ERLEC1: variants seen among roughly 807,000 people sequenced by gnomAD.
ERLEC1 encodes endoplasmic reticulum lectin 1.
Under a neutral mutation model 68.0 loss-of-function variants are expected in ERLEC1, and 47 were observed. The observed-to-expected ratio is 0.69, with a 90% CI of 0.55 to 0.88. The LOEUF is 0.88. Among genes scored for constraint, ERLEC1 ranks in the 40% least tolerant of loss-of-function variants. ERLEC1 has a pLI of 0.00. For missense variants in ERLEC1, 567 were observed against 583.8 expected (o/e 0.97, Z 0.30); for synonymous variants, 225 against 203.2 (o/e 1.11, Z -0.91).
chr2:53,814,207 A>C (rs1471881623), intron 11 of ERLEC1, among the ~76,000 whole-genome samples: 1 of 152,200 alleles, frequency 6.6e-6, no homozygotes, highest in Admixed American at 6.5e-5. Flanking sequence ...CTGTTTTACA[A>C]AACAATATAG....
In ERLEC1 at chr2:53,787,355, G is replaced by A. The variant is rs771121050; in HGVS notation, c.145G>A (p.Gly49Ser). 2 of 1,611,444 alleles carry A rather than the reference G, an allele frequency of 1.2e-6. No individual in the cohort carries two copies. Among genetic ancestry groups the A allele is most frequent in the Non-Finnish European group, 1.7e-6 (2 of 1,179,568 alleles). ...CATCCCTTTCCGAGTCAACTGGCCC[G>A]GCACCGAGTTCTCTCTGGTCAGTGC... ...DDIPFRVNWP[G>S]TEFSLPTTGV... The change falls in exon 1 of 14, where the codon GGC (glycine) becomes AGC (serine). Residue 49 changes from glycine (G) to serine (S), a missense_variant. Transcript: ENST00000185150.
intron 13 of ERLEC1, among the ~76,000 whole-genome samples, chr2:53,816,276 T>C (rs1676878922): frequency 6.7e-6 from 1 of 150,334 alleles, no homozygotes; most frequent in African/African-American, 2.4e-5. Context: ...TTTTTTTTTT[T>C]TTTTTTTTGA....
rs1220172119 is a variant in ERLEC1, at chr2:53,818,571, CT to C, written c.*603del. 6.6e-6 allele frequency: 1 copy of C among 152,174 alleles called. No individual in the cohort carries two copies. Among genetic ancestry groups the C allele is most frequent in the African/African-American group, 2.4e-5 (1 of 41,456 alleles). The allele number at this position is 152,174 out of a possible 1,614,324, so 9.4% of individuals were successfully genotyped here. On this transcript the variant is annotated 3_prime_UTR_variant, in exon 14 of 14. Coordinates refer to ENST00000185150, the MANE Select transcript of ERLEC1 (RefSeq NM_015701.5). ...CTCTTATTTATAATAGGTTGCTTCT[CT>C]CTCAGAACTTTTATCTATTACTTTT...
chr2:53,789,023 C>T (rs1573057568), intron 1 of ERLEC1, among the ~76,000 whole-genome samples: 1 of 151,926 alleles, frequency 6.6e-6, no homozygotes, highest in East Asian at 1.9e-4. Context: ...AGGTCACTAC[C>T]AAATTGTCAT....
intron 8 of ERLEC1, among the ~76,000 whole-genome samples, chr2:53,803,395 G>T (rs943436769): frequency 6.6e-6 from 1 of 152,144 alleles, no homozygotes; most frequent in Non-Finnish European, 1.5e-5. Flanking sequence ...TTAAAAGTTA[G>T]CTCAATCAAA....
chr2:53,791,119 A>G (rs937858290), intron 1 of ERLEC1, among the ~76,000 whole-genome samples: 5 of 152,246 alleles, frequency 3.3e-5, no homozygotes, highest in African/African-American at 1.2e-4. Flanking sequence ...CTACCAGAAT[A>G]GAAGTTCTCT....
rs117323325 is a variant in ERLEC1 at position 53,816,114 on chromosome 2, G to T, written c.1380+1179G>T. Among the ~76,000 whole-genome samples, 95 of 152,116 alleles carry T rather than the reference G, an allele frequency of 6.2e-4. 2 individuals carry two copies. The East Asian group carries it at 0.018, about 28-fold the overall frequency. On this transcript the variant is annotated intron_variant, in intron 13 of 13. Coordinates refer to ENST00000185150, the MANE Select transcript of ERLEC1 (RefSeq NM_015701.5). ...CAAAGTGCAGGGATTATAGGCATCG[G>T]CCACTACACAGGCTGGAATGCAGTG... is the stretch of plus-strand genomic sequence containing the variant.
intron 8 of ERLEC1, among the ~76,000 whole-genome samples, chr2:53,802,800 C>G (rs778239192): frequency 6.6e-6 from 1 of 152,146 alleles, no homozygotes; most frequent in Non-Finnish European, 1.5e-5. Context: ...GGCATGATCT[C>G]GGCTTACTGC....
At chr2:53,813,208 G>C (rs1427945409) in intron 11 of ERLEC1, 135 bp downstream of exon 11, 1 of 1,064,446 alleles carries the variant, frequency 9.4e-7, no homozygotes, top group East Asian at 2.6e-5. Context: ...TTTTAGGTTA[G>C]TTTTCTTTTC....
At chr2:53,816,760 T>A (rs1187931567) in intron 13 of ERLEC1, among the ~76,000 whole-genome samples, 1 of 152,202 alleles carries the variant, frequency 6.6e-6, no homozygotes, top group Non-Finnish European at 1.5e-5. Context: ...ATCTAATGCC[T>A]AAATGTGGTT....
At chr2:53,815,886 T>TCAGGTCCTCACTTCTCAACA (rs1294789363) in intron 13 of ERLEC1, among the ~76,000 whole-genome samples, 1 of 152,236 alleles carries the variant, frequency 6.6e-6, no homozygotes, top group Non-Finnish European at 1.5e-5. Context: ...TGAGAACATT[T>TCAGGTCCTCACTTCTCAACA]CAGGTCCTCA....
chr2:53,791,906 T>TAAA (rs569591198), intron 1 of ERLEC1, among the ~76,000 whole-genome samples: 24 of 117,762 alleles, frequency 2.0e-4, no homozygotes, highest in Admixed American at 1.9e-3. Context: ...AATGCTCTTT[T>TAAA]AAAAAAAAAA....
chr2:53,790,239 G>A (rs574209562), intron 1 of ERLEC1, among the ~76,000 whole-genome samples: 7 of 143,222 alleles, frequency 4.9e-5, no homozygotes, highest in Non-Finnish European at 9.1e-5. Context: ...GATTGTAAGC[G>A]TGCGCTACCA....
Position 53,795,961 on chromosome 2 carries a change from A to G in ERLEC1, c.296A>G (p.Asn99Ser), listed in dbSNP as rs1194705271. 7 of 1,604,756 alleles carry G rather than the reference A, an allele frequency of 4.4e-6. No homozygotes were observed. In the South Asian group the frequency reaches 7.8e-5, roughly 18 times the overall value. The change falls in exon 3 of 14, where the codon AAT (asparagine) becomes AGT (serine). Residue 99 changes from asparagine to serine, a missense_variant. Physicochemically the swap from Asn to Ser is conservative, Grantham distance 46. Transcript: ENST00000185150. Reference protein sequence around the residue: ...EEEEKDYKGPNPRELLEPLFK... With the variant: ...EEEEKDYKGPSPRELLEPLFK... ...GAAGAAAAGGATTATAAAGGCCCTA[A>G]TCCAAGAGAGCTTTTGGAGCCACTA...
rs1399953535 is a variant in ERLEC1, at chr2:53,787,125, G to GCCTCCTCCTCCACCTCCTCCTCCT, written c.-78_-55dup. The GCCTCCTCCTCCACCTCCTCCTCCT allele has an allele frequency of 3.0e-6, 2 of 661,156 alleles. No homozygotes were observed. The highest frequency in any genetic ancestry group is 4.4e-6 in the Non-Finnish European group (2 of 453,744). The allele number at this position is 661,156 out of a possible 1,614,324, so 41.0% of individuals were successfully genotyped here. ...TACCCGGGCGCTTTATAGTCCCGCC[G>GCCTCCTCCTCCACCTCCTCCTCCT]CCTCCTCCTCCACCTCCTCCTCCTC... On this transcript the variant is annotated 5_prime_UTR_variant, in exon 1 of 14. Coordinates refer to ENST00000185150, the MANE Select transcript of ERLEC1 (RefSeq NM_015701.5).
rs749283682 is a variant in ERLEC1, at chr2:53,817,928, G to T, written c.1411G>T (p.Asp471Tyr). 1 of 1,607,378 alleles carries T rather than the reference G, an allele frequency of 6.2e-7. No individual in the cohort carries two copies. Among genetic ancestry groups the T allele is most frequent in the South Asian group, 1.1e-5 (1 of 90,918 alleles). ...VESPVICKIL[D>Y]TADENGLLSL... ...ATCTCCAGTGATCTGTAAAATCTTA[G>T]ATACAGCAGATGAAAATGGACTTCT... Residue 471 changes from aspartate (D) to tyrosine (Y), a missense_variant, in exon 14 of 14, where the codon GAT becomes TAT. Asp to Tyr is a radical substitution (Grantham distance 160, BLOSUM62 -3). Coordinates refer to ENST00000185150, the MANE Select transcript of ERLEC1 (RefSeq NM_015701.5).
chr2:53,803,388 A>G (rs1356432104), intron 8 of ERLEC1, among the ~76,000 whole-genome samples: 2 of 152,194 alleles, frequency 1.3e-5, no homozygotes, highest in Non-Finnish European at 2.9e-5. Context: ...CACATACTTA[A>G]AAGTTAGCTC....
At chr2:53,796,091 C>A in intron 3 of ERLEC1, 78 bp downstream of exon 3, 4 of 991,990 alleles carry the variant, frequency 4.0e-6, no homozygotes, top group African/African-American at 1.7e-5. Flanking sequence ...ACCGTTTCTT[C>A]TTTATTATGT....
intron 2 of ERLEC1, 99 bp from the exon 3 acceptor site, chr2:53,795,834 C>A: frequency 1.3e-6 from 1 of 745,552 alleles, no homozygotes; most frequent in Non-Finnish European, 2.2e-6. Flanking sequence ...TCTTTTATTT[C>A]TAAGCATTTG....
Sources: gnomAD v4.1 joint callset for allele counts (sites outside exome capture counted in the v4.1 genomes callset) on GRCh38, gnomAD v4.1.1 for gene constraint, MANE v1.5 for transcripts, NCBI Gene and HGNC (gene_info 2026-07-23, HGNC 2026-07-21) for gene names.